RBFOX1: variants seen among roughly 807,000 people sequenced by gnomAD.
RBFOX1 encodes the protein RNA binding fox-1 homolog 1.
RBFOX1 carries 8 observed loss-of-function variants against 57.7 expected under a neutral mutation model. That is an observed-to-expected ratio of 0.14 (90% CI 0.08 to 0.25). RBFOX1 has a LOEUF of 0.25. Ranked by LOEUF, RBFOX1 falls within the 10% of genes least tolerant of loss-of-function variation. The pLI is 1.00. For missense variants in RBFOX1, 611 were observed against 548.5 expected (o/e 1.11, Z -1.14); for synonymous variants, 326 against 222.4 (o/e 1.47, Z -4.15).
At chr16:7,708,498 T>C (rs1422581985) in intron 14 of RBFOX1, among the ~76,000 whole-genome samples, 1 of 151,834 alleles carries the variant, frequency 6.6e-6, no homozygotes, top group Non-Finnish European at 1.5e-5. Context: ...TCAGTCTGAT[T>C]GAATGGGAAT....
chr16:7,171,354 C>T (rs780813657), intron 4 of RBFOX1, among the ~76,000 whole-genome samples: 5 of 152,182 alleles, frequency 3.3e-5, no homozygotes, highest in Admixed American at 1.3e-4. Context: ...AAATGCTTAG[C>T]TGAGCACTTG....
intron 6 of RBFOX1, among the ~76,000 whole-genome samples, chr16:7,582,852 G>C (rs764688306): frequency 6.6e-6 from 1 of 152,086 alleles, no homozygotes; most frequent in African/African-American, 2.4e-5. Context: ...ATAGGCATGG[G>C]ATTTCAAAGT....
chr16:6,562,968 C>A (rs1376551371), intron 2 of RBFOX1, among the ~76,000 whole-genome samples: 1 of 142,052 alleles, frequency 7.0e-6, no homozygotes, highest in Non-Finnish European at 1.5e-5. Flanking sequence ...CTGGGTATGT[C>A]CTTCTGTGCA....
intron 4 of RBFOX1, among the ~76,000 whole-genome samples, chr16:5,877,132 G>C (rs1289780291): frequency 6.6e-6 from 1 of 152,230 alleles, no homozygotes; most frequent in Non-Finnish European, 1.5e-5. Flanking sequence ...TATCCAGGAG[G>C]AGGGAAAAGA....
intron 4 of RBFOX1, among the ~76,000 whole-genome samples, chr16:7,182,141 A>G (rs2082843563): frequency 6.6e-6 from 1 of 152,212 alleles, no homozygotes; most frequent in Non-Finnish European, 1.5e-5. Flanking sequence ...TCATAAAATG[A>G]AACCTATTAG....
chr16:5,372,191 G>A (rs1363169534), intron 1 of RBFOX1, among the ~76,000 whole-genome samples: 1 of 152,166 alleles, frequency 6.6e-6, no homozygotes, highest in Non-Finnish European at 1.5e-5. Flanking sequence ...TTAGGCGGGA[G>A]GCAGCCAAGG....
intron 2 of RBFOX1, among the ~76,000 whole-genome samples, chr16:6,529,417 G>A (rs914842891): frequency 7.2e-5 from 11 of 152,002 alleles, no homozygotes; most frequent in Middle Eastern, 3.4e-3. Context: ...AAATCAGTTG[G>A]GTGTGGTGGC....
chr16:6,808,040 A>G (rs1359443761), intron 3 of RBFOX1, among the ~76,000 whole-genome samples: 2 of 150,670 alleles, frequency 1.3e-5, no homozygotes, highest in Non-Finnish European at 3.0e-5. Context: ...GTGTATATGT[A>G]TATATACTAT....
chr16:5,375,832 A>G (rs1368259959), intron 1 of RBFOX1, among the ~76,000 whole-genome samples: 2 of 152,274 alleles, frequency 1.3e-5, no homozygotes, highest in Middle Eastern at 3.4e-3. Flanking sequence ...AAAGGCTCAT[A>G]AGTGCCCTTT....
intron 4 of RBFOX1, among the ~76,000 whole-genome samples, chr16:7,283,366 T>C (rs907363600): frequency 3.3e-5 from 5 of 152,010 alleles, no homozygotes; most frequent in Admixed American, 2.0e-4. Context: ...GAAGATCTCA[T>C]TGAACCAGCA....
At chr16:7,166,707 G>A (rs535037087) in intron 4 of RBFOX1, among the ~76,000 whole-genome samples, 124 of 152,232 alleles carry the variant, frequency 8.1e-4, no homozygotes, top group African/African-American at 2.9e-3. Context: ...CGATGCACTA[G>A]GATGACTCTA....
At chr16:7,397,933 A>C (rs1222279257) in intron 4 of RBFOX1, among the ~76,000 whole-genome samples, 1 of 152,054 alleles carries the variant, frequency 6.6e-6, no homozygotes, top group Admixed American at 6.5e-5. Context: ...TTGGCTCTTA[A>C]ATTTCTCGGC....
chr16:5,378,586 C>A (rs1186939931), intron 1 of RBFOX1, among the ~76,000 whole-genome samples: 6 of 151,580 alleles, frequency 4.0e-5, no homozygotes, highest in Non-Finnish European at 7.3e-5. Context: ...GGAATGCAGG[C>A]TTCCTGGGAC....
chr16:7,006,736 C>T (rs978140872), intron 3 of RBFOX1, among the ~76,000 whole-genome samples: 10 of 152,152 alleles, frequency 6.6e-5, no homozygotes, highest in African/African-American at 2.2e-4. Flanking sequence ...ACATGAGCCA[C>T]CATGCCTGGC....
intron 1 of RBFOX1, among the ~76,000 whole-genome samples, chr16:6,142,767 T>A (rs143248077): frequency 1.8e-3 from 277 of 152,304 alleles, no homozygotes; most frequent in Non-Finnish European, 2.9e-3. Flanking sequence ...TTCCATATTT[T>A]CCACTTCTTC....
At chr16:7,080,635 C>G (rs2059046149) in intron 4 of RBFOX1, among the ~76,000 whole-genome samples, 1 of 152,112 alleles carries the variant, frequency 6.6e-6, no homozygotes, top group African/African-American at 2.4e-5. Flanking sequence ...GGGGTACACT[C>G]ACAACTTTAT....
At chr16:6,744,008 T>C (rs1402265999) in intron 3 of RBFOX1, among the ~76,000 whole-genome samples, 1 of 151,862 alleles carries the variant, frequency 6.6e-6, no homozygotes, top group Non-Finnish European at 1.5e-5. Context: ...GTTCGCATGT[T>C]TAAATAAAGT....
intron 3 of RBFOX1, among the ~76,000 whole-genome samples, chr16:5,852,484 T>C (rs1004589720): frequency 6.6e-6 from 1 of 152,188 alleles, no homozygotes; most frequent in African/African-American, 2.4e-5. Flanking sequence ...TGCACTTTTA[T>C]ACCATCGTCT....
At chr16:6,226,681 A>G (rs1323100162) in intron 1 of RBFOX1, among the ~76,000 whole-genome samples, 4 of 152,188 alleles carry the variant, frequency 2.6e-5, no homozygotes, top group African/African-American at 4.8e-5. Context: ...TAAGGGGTTT[A>G]TATGAAGTTT....
Sources: allele counts gnomAD v4.1 joint callset (sites outside exome capture counted in the v4.1 genomes callset), GRCh38; gene constraint gnomAD v4.1.1; transcripts MANE v1.5; gene names NCBI Gene and HGNC (gene_info 2026-07-23, HGNC 2026-07-21).